The following EGFLAM variants were observed in gnomAD, a reference collection of about 807,000 sequenced individuals.
The protein encoded by EGFLAM is EGF like, fibronectin type III and laminin G domains.
EGFLAM carries 79 observed loss-of-function variants against 113.1 expected under a neutral mutation model. That is an observed-to-expected ratio of 0.70 (90% CI 0.58 to 0.84). EGFLAM has a LOEUF of 0.84. Ranked by LOEUF, EGFLAM falls within the 40% of genes least tolerant of loss-of-function variation. The pLI, the probability that EGFLAM is intolerant of heterozygous loss-of-function variation, is 0.00. For synonymous variants in EGFLAM, 504 were observed against 487.6 expected (o/e 1.03, Z -0.44); for missense variants, 1,265 against 1,291.6 (o/e 0.98, Z 0.32).
intron 18 of EGFLAM, among the ~76,000 whole-genome samples, chr5:38,450,672 A>G (rs16903974): frequency 2.3e-3 from 353 of 152,348 alleles, no homozygotes; most frequent in African/African-American, 8.3e-3. Flanking sequence ...TGCTAAGAGC[A>G]TGTCAGCCTG....
rs762956768 is a variant in EGFLAM at position 38,451,313 on chromosome 5, A to C, written c.2544-2A>C. 6 of 1,611,952 alleles carry C rather than the reference A, an allele frequency of 3.7e-6. No individual in the cohort carries two copies. The highest frequency in any genetic ancestry group is 3.4e-6 in the Non-Finnish European group (4 of 1,178,856). On this transcript the variant is annotated splice_acceptor_variant, in intron 18 of 21. Coordinates refer to ENST00000322350, the MANE Select transcript of EGFLAM (RefSeq NM_152403.4). LOFTEE classifies it high-confidence loss of function. ...GTGGACTTATTTGTGTATTTCCTCC[A>C]GGGTGTCAGGATCAAGATCAAATGT...
intron 1 of EGFLAM, among the ~76,000 whole-genome samples, chr5:38,293,756 G>T (rs977778646): frequency 2.0e-4 from 30 of 151,952 alleles, no homozygotes; most frequent in Admixed American, 1.6e-3. Context: ...TATGTGATTT[G>T]GTGTCTACAC....
intron 1 of EGFLAM, among the ~76,000 whole-genome samples, chr5:38,280,065 G>T (rs959738719): frequency 6.6e-6 from 1 of 152,120 alleles, no homozygotes; most frequent in African/African-American, 2.4e-5. Flanking sequence ...GGGACAGATT[G>T]TTGGATAGAT....
chr5:38,349,318 C>G (rs917972523), intron 3 of EGFLAM, among the ~76,000 whole-genome samples: 1 of 152,118 alleles, frequency 6.6e-6, no homozygotes, highest in African/African-American at 2.4e-5. Context: ...AAAGGGAGGG[C>G]TTGGCCTTTG....
chr5:38,382,865 T>A (rs1740549391), intron 6 of EGFLAM, among the ~76,000 whole-genome samples: 1 of 152,164 alleles, frequency 6.6e-6, no homozygotes, highest in Non-Finnish European at 1.5e-5. Context: ...AATCCCAGCA[T>A]CTACCATATT....
At chr5:38,307,068 C>T (rs1758738729) in intron 1 of EGFLAM, among the ~76,000 whole-genome samples, 1 of 152,200 alleles carries the variant, frequency 6.6e-6, no homozygotes, top group South Asian at 2.1e-4. Context: ...CAGTCATAGT[C>T]AGGCCAACCC....
intron 1 of EGFLAM, among the ~76,000 whole-genome samples, chr5:38,268,480 T>A (rs747291118): frequency 2.0e-5 from 3 of 152,150 alleles, no homozygotes; most frequent in Non-Finnish European, 2.9e-5. Flanking sequence ...CTGGGAAATG[T>A]CGTTCAGTAG....
chr5:38,305,516 C>G, intron 1 of EGFLAM: 1 of 450,824 alleles, frequency 2.2e-6, no homozygotes, highest in Middle Eastern at 3.3e-4. Flanking sequence ...AGATCCAATC[C>G]AGGAGAGGGA....
At chr5:38,411,217 C>A (rs1741465249) in intron 10 of EGFLAM, among the ~76,000 whole-genome samples, 1 of 152,084 alleles carries the variant, frequency 6.6e-6, no homozygotes, top group African/African-American at 2.4e-5. Flanking sequence ...ATCACGAGGT[C>A]AGGAGATCGA....
chr5:38,284,903 C>G (rs1212057853), intron 1 of EGFLAM, among the ~76,000 whole-genome samples: 3 of 152,108 alleles, frequency 2.0e-5, no homozygotes, highest in Non-Finnish European at 4.4e-5. Context: ...AATACATAAA[C>G]AGAAAGCTTT....
At chr5:38,283,482 C>T (rs1445668880) in intron 1 of EGFLAM, among the ~76,000 whole-genome samples, 2 of 152,090 alleles carry the variant, frequency 1.3e-5, no homozygotes, top group Admixed American at 6.5e-5. Flanking sequence ...TTATATAGTG[C>T]CTGCTATGTG....
intron 1 of EGFLAM, among the ~76,000 whole-genome samples, chr5:38,264,271 C>G (rs1035397407): frequency 6.6e-6 from 1 of 152,186 alleles, no homozygotes; most frequent in African/African-American, 2.4e-5. Flanking sequence ...AGTCAGCGTT[C>G]AGAGTTCAAG....
intron 18 of EGFLAM, among the ~76,000 whole-genome samples, chr5:38,449,856 C>A (rs563509815): frequency 6.6e-6 from 1 of 152,176 alleles, no homozygotes; most frequent in Non-Finnish European, 1.5e-5. Context: ...GGAGTCCAGA[C>A]TTACACTGGA....
At chr5:38,446,112 C>T (rs1325019920) in intron 17 of EGFLAM, among the ~76,000 whole-genome samples, 2 of 152,134 alleles carry the variant, frequency 1.3e-5, no homozygotes, top group East Asian at 3.9e-4. Context: ...GGAAGGCCTC[C>T]CCCACCGCTC....
chr5:38,370,412 C>T lies in EGFLAM; in HGVS notation c.662C>T (p.Ser221Phe), dbSNP rs1222245486. Reference protein sequence around the residue: ...NYQFAVRAMNSHGPSPRSWPS... With the variant: ...NYQFAVRAMNFHGPSPRSWPS... ...CAGTTTGCCGTGAGGGCAATGAATT[C>T]CCATGGCCCCAGCCCCCGCAGCTGG... Residue 221 changes from serine to phenylalanine, a missense_variant, in exon 6 of 22, where the codon TCC becomes TTC. Physicochemically the swap from Ser to Phe is radical, Grantham distance 155. Transcript: ENST00000322350. 1.9e-6 allele frequency: 3 copies of T among 1,614,206 alleles called. No individual in the cohort carries two copies. Among genetic ancestry groups the T allele is most frequent in the South Asian group, 1.1e-5 (1 of 91,078 alleles).
chr5:38,410,151 T>C (rs1741432208), intron 10 of EGFLAM, among the ~76,000 whole-genome samples: 1 of 152,200 alleles, frequency 6.6e-6, no homozygotes, highest in Non-Finnish European at 1.5e-5. Context: ...GCATCAGCCA[T>C]TATTGTCTTC....
intron 1 of EGFLAM, among the ~76,000 whole-genome samples, chr5:38,328,111 G>A (rs1477380491): frequency 6.6e-6 from 1 of 152,200 alleles, no homozygotes; most frequent in African/African-American, 2.4e-5. Flanking sequence ...TTGGCTCATG[G>A]TTCTGCAGGC....
At chr5:38,351,552 G>A (rs1739625202) in intron 4 of EGFLAM, among the ~76,000 whole-genome samples, 1 of 152,154 alleles carries the variant, frequency 6.6e-6, no homozygotes, top group African/African-American at 2.4e-5. Context: ...AGGAAGAAAA[G>A]ACAGGAAAGG....
chr5:38,462,817 C>T, intron 20 of EGFLAM, 91 bp from the exon 21 acceptor site: 6 of 1,396,788 alleles, frequency 4.3e-6, no homozygotes, highest in Non-Finnish European at 6.0e-6. Context: ...ATAGTGTGTC[C>T]TTTAATACAT....
Sources: gnomAD v4.1 joint callset for allele counts (sites outside exome capture counted in the v4.1 genomes callset) on GRCh38, gnomAD v4.1.1 for gene constraint, MANE v1.5 for transcripts, NCBI Gene and HGNC (gene_info 2026-07-23, HGNC 2026-07-21) for gene names.